MAP3K13: variants seen among roughly 807,000 people sequenced by gnomAD.
MAP3K13 encodes leucine zipper-bearing kinase.
In MAP3K13, 52 loss-of-function variants were observed where a neutral mutation model predicts 104.0. The observed-to-expected ratio is 0.50, with a 90% CI of 0.40 to 0.63. The LOEUF is 0.63. Ranked by LOEUF, MAP3K13 falls within the 20% of genes least tolerant of loss-of-function variation. MAP3K13 has a pLI of 0.00. For synonymous variants in MAP3K13, 394 were observed against 442.2 expected (o/e 0.89, Z 1.37); for missense variants, 914 against 1,218.5 (o/e 0.75, Z 3.72).
At chr3:185,313,225 T>G (rs1182544267) in intron 2 of MAP3K13, among the ~76,000 whole-genome samples, 1 of 151,124 alleles carries the variant, frequency 6.6e-6, no homozygotes, top group Non-Finnish European at 1.5e-5. Flanking sequence ...TAAAACAAAT[T>G]TCAGAAGCAT....
chr3:185,404,421 T>A (rs943593462), intron 1 of MAP3K13, among the ~76,000 whole-genome samples: 3 of 152,030 alleles, frequency 2.0e-5, no homozygotes, highest in African/African-American at 7.3e-5. Context: ...TGGGGGCAAA[T>A]TGATGGCAAA....
chr3:185,307,548 C>T (rs540878628), intron 2 of MAP3K13, among the ~76,000 whole-genome samples: 2 of 127,914 alleles, frequency 1.6e-5, no homozygotes, highest in Admixed American at 1.6e-4. Flanking sequence ...ACCACCCCCT[C>T]CCCCGCCACC....
At chr3:185,471,903 T>G (rs116550314) in intron 10 of MAP3K13, among the ~76,000 whole-genome samples, 223 of 152,332 alleles carry the variant, frequency 1.5e-3, no homozygotes, top group African/African-American at 5.2e-3. Context: ...CAAAGAGATG[T>G]TTGAAGATCT....
intron 2 of MAP3K13, among the ~76,000 whole-genome samples, chr3:185,302,080 TA>T (rs1721127456): frequency 6.6e-6 from 1 of 152,128 alleles, no homozygotes. Context: ...ATAATATCTG[TA>T]GGTCCCTCTA....
intron 8 of MAP3K13, among the ~76,000 whole-genome samples, chr3:185,464,165 GT>G (rs1259338947): frequency 6.6e-6 from 1 of 152,148 alleles, no homozygotes; most frequent in Non-Finnish European, 1.5e-5. Context: ...CACGATGCCT[GT>G]GATCCCAGCT....
chr3:185,415,517 G>C (rs1446871245), intron 1 of MAP3K13, among the ~76,000 whole-genome samples: 2 of 147,716 alleles, frequency 1.4e-5, no homozygotes, highest in East Asian at 4.1e-4. Context: ...ATATTTTCTT[G>C]AATCAATGAA....
intron 7 of MAP3K13, among the ~76,000 whole-genome samples, chr3:185,454,624 G>GATATATATA: frequency 2.5e-5 from 1 of 40,444 alleles, no homozygotes; most frequent in Non-Finnish European, 6.2e-5. Flanking sequence ...ATATATATAT[G>GATATATATA]AGATATATAT....
intron 3 of MAP3K13, among the ~76,000 whole-genome samples, chr3:185,439,138 C>A (rs1715194432): frequency 6.6e-6 from 1 of 151,842 alleles, no homozygotes; most frequent in Non-Finnish European, 1.5e-5. Context: ...GTTTTGATTC[C>A]CAAACAAGAC....
At position 185,387,621 on chromosome 3, in the gene MAP3K13, C is replaced by T. The variant is rs563585298; in HGVS notation, c.-86+24253C>T. On this transcript the variant is annotated intron_variant, in intron 1 of 13. Coordinates refer to ENST00000265026, the MANE Select transcript of MAP3K13 (RefSeq NM_004721.5). Reference sequence around the variant, plus strand: ...AAAATTATTGATAAAATTCAACATCCCTTCATGATCAAAAACTTTCAACAA... The same window carrying T: ...AAAATTATTGATAAAATTCAACATCTCTTCATGATCAAAAACTTTCAACAA... Among the ~76,000 whole-genome samples the T allele has an allele frequency of 4.6e-5, 7 of 152,064 alleles. No individual in the cohort carries two copies. The South Asian group carries it at 1.2e-3, about 27-fold the overall frequency.
chr3:185,480,215 G>C lies in MAP3K13; in HGVS notation c.2502-17G>C, dbSNP rs773600771. 1 of 1,607,302 alleles carries C rather than the reference G, an allele frequency of 6.2e-7. No individual in the cohort carries two copies. The highest frequency in any genetic ancestry group is 8.5e-7 in the Non-Finnish European group (1 of 1,175,860). On this transcript the variant is annotated splice_polypyrimidine_tract_variant and intron_variant, in intron 12 of 13. Coordinates refer to ENST00000265026, the MANE Select transcript of MAP3K13 (RefSeq NM_004721.5). ...TTGTTCCTCTGACTAAGTTCTCCTG[G>C]TTCTTCTTGGTTCTAGGCCCCATCG... is the stretch of plus-strand genomic sequence containing the variant.
At chr3:185,398,507 C>CA (rs1712561229) in intron 1 of MAP3K13, among the ~76,000 whole-genome samples, 1 of 152,182 alleles carries the variant, frequency 6.6e-6, no homozygotes, top group African/African-American at 2.4e-5. Context: ...TTGTGGCTAT[C>CA]TCCCCTACAA....
chr3:185,467,625 A>C (rs1327186739), intron 10 of MAP3K13, among the ~76,000 whole-genome samples: 1 of 152,024 alleles, frequency 6.6e-6, no homozygotes, highest in Non-Finnish European at 1.5e-5. Flanking sequence ...TCTACTAAAA[A>C]TACAAAAATT....
At chr3:185,386,755 A>G (rs1418030754) in intron 1 of MAP3K13, among the ~76,000 whole-genome samples, 1 of 152,218 alleles carries the variant, frequency 6.6e-6, no homozygotes, top group African/African-American at 2.4e-5. Context: ...TTGCAGAGAC[A>G]TGGATGGAGC....
chr3:185,437,775 C>A, intron 3 of MAP3K13, 145 bp downstream of exon 3: 1 of 767,038 alleles, frequency 1.3e-6, no homozygotes, highest in Non-Finnish European at 2.0e-6. Flanking sequence ...TATCAAGGAA[C>A]TATTAAATTG....
In MAP3K13 at chr3:185,484,302, A is replaced by G. The variant is rs951257112; in HGVS notation, c.*1846A>G. On this transcript the variant is annotated 3_prime_UTR_variant, in exon 14 of 14. Coordinates refer to ENST00000265026, the MANE Select transcript of MAP3K13 (RefSeq NM_004721.5). ...TCTGAAAAGCATTCCAAGGTACTTC[A>G]TGGTGCCTTGGCCTTAAGGAAAAAT... 6.6e-6 allele frequency: 1 copy of G among 152,176 alleles called. No individual in the cohort carries two copies. The highest frequency in any genetic ancestry group is 1.5e-5 in the Non-Finnish European group (1 of 68,026). The allele number at this position is 152,176 out of a possible 1,614,324, so 9.4% of individuals were successfully genotyped here.
chr3:185,417,946 T>C (rs1358652151), intron 1 of MAP3K13: 5 of 1,606,428 alleles, frequency 3.1e-6, no homozygotes, highest in Admixed American at 3.3e-5. Context: ...CATGGGAAGA[T>C]TGTAGTTACT....
chr3:185,385,044 A>T (rs1185402014), intron 1 of MAP3K13, among the ~76,000 whole-genome samples: 1 of 152,014 alleles, frequency 6.6e-6, no homozygotes, highest in Non-Finnish European at 1.5e-5. Flanking sequence ...CATTTCCTTG[A>T]TATTTTTTTC....
rs1320652395 is a variant in MAP3K13, at chr3:185,484,265, A to G, written c.*1809A>G. On this transcript the variant is annotated 3_prime_UTR_variant, in exon 14 of 14. Transcript: ENST00000265026. ...AAAGCATGAGGTCCTGCCTGTCTCCAGGGTCATGGGCTCTGAAAAGCATTC... is the reference window on the plus strand; with the variant it reads ...AAAGCATGAGGTCCTGCCTGTCTCCGGGGTCATGGGCTCTGAAAAGCATTC... 6.6e-6 allele frequency: 1 copy of G among 152,212 alleles called. No individual in the cohort carries two copies. Among genetic ancestry groups the G allele is most frequent in the East Asian group, 1.9e-4 (1 of 5,194 alleles). The allele number at this position is 152,212 out of a possible 1,614,324, so 9.4% of individuals were successfully genotyped here.
intron 3 of MAP3K13, among the ~76,000 whole-genome samples, chr3:185,441,597 A>G (rs1560108200): frequency 6.6e-6 from 1 of 152,220 alleles, no homozygotes; most frequent in Non-Finnish European, 1.5e-5. Flanking sequence ...AATAAAGGCT[A>G]ATAGATATAT....
Sources: allele counts gnomAD v4.1 joint callset (sites outside exome capture counted in the v4.1 genomes callset), GRCh38; gene constraint gnomAD v4.1.1; transcripts MANE v1.5; gene names NCBI Gene and HGNC (gene_info 2026-07-23, HGNC 2026-07-21).